The following ZNF141 variants were observed in gnomAD, a reference collection of about 807,000 sequenced individuals.
The protein encoded by ZNF141 is zinc finger protein 141 (clone pHZ-44).
In ZNF141, 7 loss-of-function variants were observed where a neutral mutation model predicts 11.3. The observed-to-expected ratio is 0.62, with a 90% CI of 0.35 to 1.16. The LOEUF is 1.16. Ranked by LOEUF, ZNF141 falls within the 50% of genes most tolerant of loss-of-function variation. ZNF141 has a pLI of 0.02. For missense variants in ZNF141, 535 were observed against 554.0 expected (o/e 0.97, Z 0.34); for synonymous variants, 183 against 190.7 (o/e 0.96, Z 0.33).
intron 1 of ZNF141, 108 bp downstream of exon 1, chr4:338,094 A>G: frequency 1.3e-6 from 2 of 1,503,100 alleles, no homozygotes; most frequent in Non-Finnish European, 1.8e-6. Context: ...GCCGCCGCTC[A>G]GCCCTGGGGC....
At chr4:340,858 A>G (rs78538668) in intron 1 of ZNF141, among the ~76,000 whole-genome samples, 2 of 152,222 alleles carry the variant, frequency 1.3e-5, no homozygotes, top group African/African-American at 2.4e-5. Flanking sequence ...TGTTACTTCT[A>G]TAAACCAATA....
rs1712730184 is a variant in ZNF141, at chr4:382,889, C to T, written c.*9027C>T. 2.2e-6 allele frequency: 1 copy of T among 448,424 alleles called. No individual in the cohort carries two copies. The allele number at this position is 448,424 out of a possible 1,614,324, so 27.8% of individuals were successfully genotyped here. ...CACAAGACACATCTACAAGAAAAGT[C>T]ATGATAAAATTGATTGCAAAAACAG... On this transcript the variant is annotated 3_prime_UTR_variant, in exon 4 of 4. Transcript: ENST00000240499.
At position 373,100 on chromosome 4, in the gene ZNF141, T is replaced by C; in HGVS notation, c.663T>C (p.His221=). Residue 221 remains histidine, a synonymous_variant, in exon 4 of 4, where the codon CAT becomes CAC. Transcript: ENST00000240499. ...TATTTAATGAACATAAGAGAATTCA[T>C]ACTGGAGAGAAACCTTTTACTTGTG... ...SLIFNEHKRI[H]TGEKPFTCEE... 6.2e-7 allele frequency: 1 copy of C among 1,613,902 alleles called. No homozygotes were observed. The highest frequency in any genetic ancestry group is 1.7e-5 in the Admixed American group (1 of 60,016).
chr4:339,002 C>G (rs1349511986), intron 1 of ZNF141, among the ~76,000 whole-genome samples: 1 of 152,220 alleles, frequency 6.6e-6, no homozygotes, highest in Non-Finnish European at 1.5e-5. Flanking sequence ...GCGCTGAGAA[C>G]TTGGAGGAAA....
In ZNF141 at chr4:383,033, C is replaced by T; in HGVS notation, c.*9171C>T. 1.6e-6 allele frequency: 1 copy of T among 614,298 alleles called. No individual in the cohort carries two copies. Among genetic ancestry groups the T allele is most frequent in the Non-Finnish European group, 2.9e-6 (1 of 347,236 alleles). 38.1% of individuals were successfully genotyped at this position (614,298 alleles called of 1,614,324 possible). ...ACTTCTCTTGACTTATCTGCACTGG[C>T]ACAGGGTGCCAGTTTGGGGCCCAGG... On this transcript the variant is annotated 3_prime_UTR_variant, in exon 4 of 4. Coordinates refer to ENST00000240499, the MANE Select transcript of ZNF141 (RefSeq NM_003441.4).
chr4:361,440 T>C (rs1228548189), intron 3 of ZNF141, among the ~76,000 whole-genome samples: 1 of 152,016 alleles, frequency 6.6e-6, no homozygotes, highest in Non-Finnish European at 1.5e-5. Context: ...GCAGGTTTGT[T>C]ACATATGTAT....
At chr4:360,228 C>G (rs782190687) in intron 3 of ZNF141, among the ~76,000 whole-genome samples, 3 of 152,110 alleles carry the variant, frequency 2.0e-5, no homozygotes, top group African/African-American at 4.8e-5. Flanking sequence ...GGGTAGGGAG[C>G]CTCCTATTCT....
chr4:352,341 T>C (rs1436590706), intron 3 of ZNF141, among the ~76,000 whole-genome samples: 1 of 152,028 alleles, frequency 6.6e-6, no homozygotes, highest in African/African-American at 2.4e-5. Flanking sequence ...GAGCCAAGAC[T>C]ATACCACTGC....
intron 3 of ZNF141, among the ~76,000 whole-genome samples, chr4:364,051 A>G (rs1196928458): frequency 6.6e-6 from 1 of 152,166 alleles, no homozygotes; most frequent in Non-Finnish European, 1.5e-5. Context: ...CGAGTTGATC[A>G]TGGTAGATGA....
chr4:351,398 T>C (rs981416099), intron 3 of ZNF141, among the ~76,000 whole-genome samples: 1 of 152,032 alleles, frequency 6.6e-6, no homozygotes, highest in East Asian at 1.9e-4. Context: ...CAAGCCTGGC[T>C]AATTTTTTTA....
chr4:378,647 G>T lies in ZNF141; in HGVS notation c.*4785G>T, dbSNP rs967536043. Among the ~76,000 whole-genome samples the T allele has an allele frequency of 1.6e-4, 25 of 152,030 alleles. No homozygotes were observed. The highest frequency in any genetic ancestry group is 6.0e-4 in the African/African-American group (25 of 41,382). Reference sequence around the variant, plus strand: ...TCTCTGTAGATTCAAAATCTGCACTGATCTTTTTTGTCCAGATTCATATTA... The same window carrying T: ...TCTCTGTAGATTCAAAATCTGCACTTATCTTTTTTGTCCAGATTCATATTA... On this transcript the variant is annotated 3_prime_UTR_variant, in exon 4 of 4. Transcript: ENST00000240499.
rs1435196397 is a variant in ZNF141, at chr4:380,709, A to G, written c.*6847A>G. On this transcript the variant is annotated 3_prime_UTR_variant, in exon 4 of 4. Coordinates refer to ENST00000240499, the MANE Select transcript of ZNF141 (RefSeq NM_003441.4). The stretch of plus-strand genomic sequence containing the variant: ...GAAAATTAATAGCATAGGTATTATT[A>G]TCCTCATTTTACAGAGAAAGAAACA... 6.6e-6 allele frequency among the ~76,000 whole-genome samples: 1 copy of G among 152,094 alleles called. No individual in the cohort carries two copies. Among genetic ancestry groups the G allele is most frequent in the Non-Finnish European group, 1.5e-5 (1 of 68,030 alleles).
At chr4:338,132 G>A in intron 1 of ZNF141, 146 bp downstream of exon 1, 2 of 1,038,342 alleles carry the variant, frequency 1.9e-6, no homozygotes, top group South Asian at 1.5e-5. Context: ...AGGGACCTGG[G>A]CTCCTGTCGG....
At chr4:362,714 T>C (rs1553852389) in intron 3 of ZNF141, among the ~76,000 whole-genome samples, 1 of 152,230 alleles carries the variant, frequency 6.6e-6, no homozygotes, top group Non-Finnish European at 1.5e-5. Context: ...TTCTGAGGGC[T>C]CTGTTCTGTT....
chr4:345,026 T>C (rs1360327029), intron 3 of ZNF141, among the ~76,000 whole-genome samples: 1 of 152,218 alleles, frequency 6.6e-6, no homozygotes, highest in Non-Finnish European at 1.5e-5. Context: ...TGACTGCTGT[T>C]CCATTGCTTT....
Position 373,087 on chromosome 4 carries a change from A to G in ZNF141, c.650A>G (p.His217Arg). The G allele has an allele frequency of 1.9e-6, 3 of 1,613,998 alleles. No individual in the cohort carries two copies. The highest frequency in any genetic ancestry group is 1.7e-6 in the Non-Finnish European group (2 of 1,179,984). The change falls in exon 4 of 4, where the codon CAT becomes CGT. Residue 217 changes from histidine to arginine, a missense_variant. Coordinates refer to ENST00000240499, the MANE Select transcript of ZNF141 (RefSeq NM_003441.4). ...AAATGGTCTTTAATATTTAATGAAC[A>G]TAAGAGAATTCATACTGGAGAGAAA... ...AFKWSLIFNEHKRIHTGEKPF... is the reference protein window; with the variant it reads ...AFKWSLIFNERKRIHTGEKPF...
intron 3 of ZNF141, among the ~76,000 whole-genome samples, chr4:361,083 A>G (rs1257370496): frequency 6.6e-6 from 1 of 152,212 alleles, no homozygotes; most frequent in South Asian, 2.1e-4. Context: ...AATTGTGATG[A>G]AAAACATAAA....
intron 3 of ZNF141, among the ~76,000 whole-genome samples, chr4:365,975 A>G (rs1395213276): frequency 2.6e-5 from 4 of 152,176 alleles, no homozygotes; most frequent in Non-Finnish European, 4.4e-5. Flanking sequence ...TACTGGGCTC[A>G]CTGGATAGTT....
intron 3 of ZNF141, among the ~76,000 whole-genome samples, chr4:368,795 A>G (rs142518031): frequency 7.1e-4 from 108 of 152,320 alleles, no homozygotes; most frequent in Middle Eastern, 6.8e-3. Flanking sequence ...TTTTGAAATC[A>G]AGAACTGTAG....
Sources: gnomAD v4.1 joint callset for allele counts (sites outside exome capture counted in the v4.1 genomes callset) on GRCh38, gnomAD v4.1.1 for gene constraint, MANE v1.5 for transcripts, NCBI Gene and HGNC (gene_info 2026-07-23, HGNC 2026-07-21) for gene names.